Variants in CPQ observed in about 807,000 individuals in gnomAD.
CPQ encodes the protein Ser-Met dipeptidase.
Under a neutral mutation model 45.7 loss-of-function variants are expected in CPQ, and 37 were observed. That is an observed-to-expected ratio of 0.81 (90% CI 0.62 to 1.07). The LOEUF is 1.07. CPQ is among the 50% of genes least tolerant of loss of function. The probability of loss-of-function intolerance (pLI) is 0.00; values close to 1 mark genes in which losing one functional copy is unlikely to be tolerated. For missense variants in CPQ, 537 were observed against 572.9 expected (o/e 0.94, Z 0.64); for synonymous variants, 186 against 205.8 (o/e 0.90, Z 0.82).
chr8:97,058,785 T>C (rs946687529), intron 6 of CPQ, among the ~76,000 whole-genome samples: 2 of 152,176 alleles, frequency 1.3e-5, no homozygotes, highest in African/African-American at 4.8e-5. Context: ...AATTGTGAGC[T>C]CTTGAGTCCC....
At chr8:96,879,757 A>G (rs112793990) in intron 3 of CPQ, 41 bp from the exon 4 acceptor site, 21 of 1,529,816 alleles carry the variant, frequency 1.4e-5, no homozygotes, top group East Asian at 9.0e-5. Context: ...CTTTTGGTCT[A>G]TTTCCACTTT....
chr8:96,931,782 C>A (rs1812978748), intron 4 of CPQ, among the ~76,000 whole-genome samples: 1 of 152,102 alleles, frequency 6.6e-6, no homozygotes, highest in South Asian at 2.1e-4. Context: ...GAATAATTGC[C>A]CAAAGAGAAG....
chr8:96,924,998 T>C (rs943605802), intron 4 of CPQ, among the ~76,000 whole-genome samples: 3 of 152,216 alleles, frequency 2.0e-5, no homozygotes, highest in Non-Finnish European at 4.4e-5. Flanking sequence ...CAAAAGTAAC[T>C]GAGTGACTAA....
intron 2 of CPQ, among the ~76,000 whole-genome samples, chr8:96,834,071 T>A (rs1366488505): frequency 6.6e-6 from 1 of 152,220 alleles, no homozygotes; most frequent in Non-Finnish European, 1.5e-5. Flanking sequence ...TTAGATATAT[T>A]TAGCCACTGC....
chr8:96,812,075 A>G (rs1031424791), intron 2 of CPQ, among the ~76,000 whole-genome samples: 4 of 152,180 alleles, frequency 2.6e-5, no homozygotes, highest in Non-Finnish European at 2.9e-5. Context: ...TCTTTGGAGT[A>G]CCCATAGAGA....
chr8:96,994,022 G>A (rs1310079216), intron 5 of CPQ, among the ~76,000 whole-genome samples: 1 of 152,118 alleles, frequency 6.6e-6, no homozygotes, highest in East Asian at 1.9e-4. Context: ...TTAAGAGCTT[G>A]TGTGCCTCTT....
At chr8:96,748,339 C>G (rs1810216110) in intron 1 of CPQ, among the ~76,000 whole-genome samples, 2 of 152,118 alleles carry the variant, frequency 1.3e-5, no homozygotes, top group South Asian at 4.1e-4. Context: ...TATTATTTAT[C>G]TTTGTAGTTT....
At chr8:96,894,568 A>T (rs1242333885) in intron 4 of CPQ, among the ~76,000 whole-genome samples, 1 of 152,162 alleles carries the variant, frequency 6.6e-6, no homozygotes, top group East Asian at 1.9e-4. Context: ...CACACCAAGA[A>T]ATGTAATATA....
At chr8:96,648,621 TA>T (rs762940936) in intron 1 of CPQ, among the ~76,000 whole-genome samples, 10 of 152,116 alleles carry the variant, frequency 6.6e-5, no homozygotes, top group Non-Finnish European at 1.5e-4. Flanking sequence ...AGAACAAATC[TA>T]AATAGGAGAG....
Position 97,123,038 on chromosome 8 carries a change from TAAAATAAATAAAATAAAATAAAATAAAAA to T in CPQ, c.1256-19978_1256-19950del, listed in dbSNP as rs1811760975. Among the ~76,000 whole-genome samples the T allele has an allele frequency of 2.4e-4, 6 of 24,882 alleles. 1 individual carries two copies. Among genetic ancestry groups the T allele is most frequent in the Non-Finnish European group, 4.7e-4 (5 of 10,592 alleles). 16.3% of individuals were successfully genotyped at this position (24,882 alleles called of 152,430 possible). A position where few individuals can be genotyped will look rare whatever the true frequency, so the allele number is the denominator to read the frequency against. On this transcript the variant is annotated intron_variant, in intron 7 of 7. Transcript: ENST00000220763. ...ATAAAATAAAATAAATAAAATAAAA[TAAAATAAATAAAATAAAATAAAATAAAAA>T]AAATAAAATAAAATAAATAAAATAA...
rs1445697100 is a variant in CPQ, at chr8:96,926,576, C to CTCTTCCTCTTCTTCTTCT, written c.850-39354_850-39353insCTCTTCTTCTTCTTCTTC. On this transcript the variant is annotated intron_variant, in intron 4 of 7. Transcript: ENST00000220763. ...CCTCTTCCTCTTCCTCTTCCTCTTCCTCTTCTTCTTCTTCTTCTTCTTCTT... is the reference window on the plus strand; with the variant it reads ...CCTCTTCCTCTTCCTCTTCCTCTTCCTCTTCCTCTTCTTCTTCTTCTTCTTCTTCTTCTTCTTCTTCTT... Among the ~76,000 whole-genome samples the CTCTTCCTCTTCTTCTTCT allele has an allele frequency of 4.5e-3, 336 of 74,988 alleles. 5 individuals carry two copies. The highest frequency in any genetic ancestry group is 0.017 in the African/African-American group (207 of 12,234). The allele number at this position is 74,988 out of a possible 152,430, so 49.2% of individuals were successfully genotyped here. A position where few individuals can be genotyped will look rare whatever the true frequency, so the allele number is the denominator to read the frequency against.
At chr8:97,061,034 A>C (rs1810541392) in intron 6 of CPQ, among the ~76,000 whole-genome samples, 1 of 152,146 alleles carries the variant, frequency 6.6e-6, no homozygotes, top group African/African-American at 2.4e-5. Context: ...TCTTTATTGA[A>C]AACATATGGA....
At chr8:96,752,129 C>G (rs890769974) in intron 1 of CPQ, among the ~76,000 whole-genome samples, 2 of 151,804 alleles carry the variant, frequency 1.3e-5, no homozygotes, top group African/African-American at 4.8e-5. Flanking sequence ...CCTCTTTGTT[C>G]CATACAAGCT....
intron 4 of CPQ, among the ~76,000 whole-genome samples, chr8:96,922,231 A>G: frequency 6.6e-6 from 1 of 152,272 alleles, no homozygotes; most frequent in African/African-American, 2.4e-5. Flanking sequence ...TCAGACCCAT[A>G]TTTATAAACA....
chr8:96,898,354 C>T (rs552728600), intron 4 of CPQ, among the ~76,000 whole-genome samples: 62 of 152,162 alleles, frequency 4.1e-4, no homozygotes, highest in African/African-American at 1.5e-3. Context: ...TATTAGCTAC[C>T]ACTCTTTGAG....
intron 1 of CPQ, among the ~76,000 whole-genome samples, chr8:96,767,148 A>G (rs924443843): frequency 1.3e-5 from 2 of 152,174 alleles, no homozygotes; most frequent in Non-Finnish European, 2.9e-5. Flanking sequence ...ATCTGTTTCA[A>G]AGGGAACAAT....
chr8:97,014,059 G>A (rs1035548216), intron 5 of CPQ, among the ~76,000 whole-genome samples: 1 of 152,178 alleles, frequency 6.6e-6, no homozygotes, highest in Non-Finnish European at 1.5e-5. Context: ...GATGATTAAA[G>A]GTTTTCATGC....
chr8:96,963,509 G>C (rs554887781), intron 4 of CPQ, among the ~76,000 whole-genome samples: 3 of 152,300 alleles, frequency 2.0e-5, no homozygotes, highest in African/African-American at 7.2e-5. Context: ...TCGTGCAGCT[G>C]CTCAGTGAAT....
At chr8:96,988,503 T>C (rs1230343691) in intron 5 of CPQ, among the ~76,000 whole-genome samples, 1 of 152,204 alleles carries the variant, frequency 6.6e-6, no homozygotes, top group African/African-American at 2.4e-5. Flanking sequence ...CCCTTTGATT[T>C]ATTGCTTGGA....
Sources: gnomAD v4.1 joint callset for allele counts (sites outside exome capture counted in the v4.1 genomes callset) on GRCh38, gnomAD v4.1.1 for gene constraint, MANE v1.5 for transcripts, NCBI Gene and HGNC (gene_info 2026-07-23, HGNC 2026-07-21) for gene names.